Variants in CALN1 observed in about 807,000 individuals in gnomAD.
The protein encoded by CALN1 is calneuron 1.
In CALN1, 17 loss-of-function variants were observed where a neutral mutation model predicts 30.6. That is an observed-to-expected ratio of 0.56 (90% CI 0.38 to 0.83). The LOEUF is 0.83. Among genes scored for constraint, CALN1 ranks in the 40% least tolerant of loss-of-function variants. The probability of loss-of-function intolerance (pLI) is 0.00; values close to 1 mark genes in which losing one functional copy is unlikely to be tolerated. For synonymous variants in CALN1, 156 were observed against 131.4 expected (o/e 1.19, Z -1.28); for missense variants, 291 against 354.9 (o/e 0.82, Z 1.45).
At chr7:72,404,668 T>C (rs925960103) in intron 1 of CALN1, among the ~76,000 whole-genome samples, 1 of 152,194 alleles carries the variant, frequency 6.6e-6, no homozygotes, top group Non-Finnish European at 1.5e-5. Flanking sequence ...CTGCCCTCTT[T>C]CTACTCTCTC....
At chr7:72,395,571 G>A (rs1805877069) in intron 2 of CALN1, among the ~76,000 whole-genome samples, 1 of 152,148 alleles carries the variant, frequency 6.6e-6, no homozygotes, top group Admixed American at 6.5e-5. Flanking sequence ...TTATATTGAT[G>A]TTCTGAGGAT....
chr7:72,240,644 C>T (rs769200119), intron 3 of CALN1, among the ~76,000 whole-genome samples: 18 of 152,224 alleles, frequency 1.2e-4, no homozygotes, highest in Non-Finnish European at 2.2e-4. Context: ...GCTAAAACTA[C>T]CCTCATCTTC....
At chr7:71,883,560 TGGA>T (rs1348566098) in intron 5 of CALN1, among the ~76,000 whole-genome samples, 1 of 152,134 alleles carries the variant, frequency 6.6e-6, no homozygotes, top group Admixed American at 6.5e-5. Context: ...GCAGGAAGTG[TGGA>T]GGAGAAGGGC....
rs529086608 is a variant in CALN1, at chr7:72,294,047, G to A, written c.120-15237C>T. Among the ~76,000 whole-genome samples, 28 of 151,958 alleles carry A rather than the reference G, an allele frequency of 1.8e-4. No homozygotes were observed. In the East Asian group the frequency reaches 3.7e-3, roughly 20 times the overall value. On this transcript the variant is annotated intron_variant, in intron 2 of 6. Coordinates refer to ENST00000395275, the MANE Select transcript of CALN1 (RefSeq NM_031468.4). ...TGGGAGGTGGAGGCTGTGGTGAGCC[G>A]AGACCACACCACTGCACTCCAGCCT...
At chr7:71,970,149 C>A (rs1797724061) in intron 5 of CALN1, among the ~76,000 whole-genome samples, 1 of 152,118 alleles carries the variant, frequency 6.6e-6, no homozygotes, top group African/African-American at 2.4e-5. Context: ...ACGCCCGGCC[C>A]AGCAACCCAT....
rs1392950826 is a variant in CALN1, at chr7:71,788,721, G to GCA, written c.659-820_659-819insTG. Among the ~76,000 whole-genome samples, 778 of 151,974 alleles carry GCA rather than the reference G, an allele frequency of 5.1e-3. 16 individuals are homozygous for GCA. The East Asian group carries it at 0.085, about 17-fold the overall frequency. On this transcript the variant is annotated intron_variant, in intron 6 of 6. Coordinates refer to ENST00000395275, the MANE Select transcript of CALN1 (RefSeq NM_031468.4). ...CACCCAGGCTGGAGTGCAGTGGCAT[G>GCA]ATCTTGGCTCACTACAAGCTCCACC...
At chr7:71,991,093 T>A (rs1798927551) in intron 5 of CALN1, among the ~76,000 whole-genome samples, 1 of 151,840 alleles carries the variant, frequency 6.6e-6, no homozygotes, top group South Asian at 2.1e-4. Context: ...GAAGTAAGAA[T>A]TCGATGTGTT....
At chr7:71,799,170 G>A (rs1286003289) in intron 6 of CALN1, among the ~76,000 whole-genome samples, 2 of 152,200 alleles carry the variant, frequency 1.3e-5, no homozygotes, top group Non-Finnish European at 2.9e-5. Context: ...TTACTAATAT[G>A]TTGAGTTTTG....
intron 2 of CALN1, among the ~76,000 whole-genome samples, chr7:72,370,900 T>C (rs1226692321): frequency 1.3e-5 from 2 of 151,694 alleles, no homozygotes; most frequent in Admixed American, 6.6e-5. Flanking sequence ...ACAAAAAAAT[T>C]AGCGGGTTGT....
In CALN1 at chr7:71,787,640, TC is replaced by T; in HGVS notation, c.*134del. The T allele has an allele frequency of 7.7e-7, 1 of 1,298,380 alleles. No homozygotes were observed. The highest frequency in any genetic ancestry group is 2.7e-4 in the Middle Eastern group (1 of 3,646). The allele number at this position is 1,298,380 out of a possible 1,614,324, so 80.4% of individuals were successfully genotyped here. ...ACCCCAGTTGCACTCAACCTTGGGT[TC>T]TTTACTGAACGGTTCCATCGTCCGC... On this transcript the variant is annotated 3_prime_UTR_variant, in exon 7 of 7. Transcript: ENST00000395275.
At chr7:71,919,531 C>T (rs1192210066) in intron 5 of CALN1, among the ~76,000 whole-genome samples, 2 of 152,074 alleles carry the variant, frequency 1.3e-5, no homozygotes, top group Non-Finnish European at 2.9e-5. Context: ...ACTGAGTTGG[C>T]GGGAAGTAAA....
chr7:72,407,976 G>A (rs1229076315), intron 1 of CALN1, among the ~76,000 whole-genome samples: 3 of 152,136 alleles, frequency 2.0e-5, no homozygotes, highest in African/African-American at 4.8e-5. Flanking sequence ...TCCAAGAAGG[G>A]AGACTTTGAT....
intron 5 of CALN1, among the ~76,000 whole-genome samples, chr7:71,854,988 T>A (rs1008487526): frequency 2.0e-5 from 3 of 152,178 alleles, no homozygotes. Context: ...GGCTATGAAC[T>A]GTGAAAAGCT....
chr7:71,917,251 T>G (rs1285598614), intron 5 of CALN1, among the ~76,000 whole-genome samples: 2 of 152,166 alleles, frequency 1.3e-5, no homozygotes, highest in East Asian at 3.9e-4. Context: ...ATGAGGCAGG[T>G]TGCCAGAGGT....
At chr7:72,340,779 G>A (rs1161962419) in intron 2 of CALN1, among the ~76,000 whole-genome samples, 4 of 152,150 alleles carry the variant, frequency 2.6e-5, no homozygotes, top group Admixed American at 6.5e-5. Context: ...GGAGATAATT[G>A]AACCATGGGG....
intron 5 of CALN1, among the ~76,000 whole-genome samples, chr7:71,950,175 G>T (rs1327061769): frequency 6.6e-6 from 1 of 152,082 alleles, no homozygotes; most frequent in Non-Finnish European, 1.5e-5. Context: ...CCCTCCCCTG[G>T]TAACACCTGG....
intron 2 of CALN1, among the ~76,000 whole-genome samples, chr7:72,389,549 G>A (rs1477572726): frequency 2.6e-5 from 4 of 152,144 alleles, no homozygotes; most frequent in East Asian, 1.9e-4. Context: ...AAAGTGTAAC[G>A]TCTCCTTAAG....
chr7:71,916,271 G>A (rs945458740), intron 5 of CALN1, among the ~76,000 whole-genome samples: 1 of 151,950 alleles, frequency 6.6e-6, no homozygotes, highest in African/African-American at 2.4e-5. Context: ...AGTCCAGGAA[G>A]AGAGAGAAGA....
intron 4 of CALN1, among the ~76,000 whole-genome samples, chr7:72,091,794 T>A (rs551232961): frequency 2.6e-5 from 4 of 152,302 alleles, no homozygotes; most frequent in Non-Finnish European, 4.4e-5. Context: ...GGAATGCAGG[T>A]CTAGTCTTGC....
Sources: gnomAD v4.1 joint callset for allele counts (sites outside exome capture counted in the v4.1 genomes callset) on GRCh38, gnomAD v4.1.1 for gene constraint, MANE v1.5 for transcripts, NCBI Gene and HGNC (gene_info 2026-07-23, HGNC 2026-07-21) for gene names.